The following GABRR1 variants were observed in gnomAD, a reference collection of about 807,000 sequenced individuals.
GABRR1 encodes the protein gamma-aminobutyric acid type A receptor subunit rho1, also known as gamma-aminobutyric acid receptor subunit rho-1.
A neutral mutation model predicts 55.5 loss-of-function variants in GABRR1; 59 were observed. That is an observed-to-expected ratio of 1.06 (90% confidence interval 0.86 to 1.32). The LOEUF (loss-of-function observed/expected upper bound fraction) is 1.32, where lower values mean the gene tolerates loss of function less well. Among genes scored for constraint, GABRR1 ranks in the 40% most tolerant of loss-of-function variants. GABRR1 has a pLI of 0.00. For synonymous variants in GABRR1, 213 were observed against 226.0 expected (o/e 0.94, Z 0.51); for missense variants, 602 against 619.1 (o/e 0.97, Z 0.29).
chr6:89,212,902 G>A (rs1772874797), intron 1 of GABRR1, among the ~76,000 whole-genome samples: 1 of 152,070 alleles, frequency 6.6e-6, no homozygotes, highest in Non-Finnish European at 1.5e-5. Context: ...GAACTTCTGG[G>A]CTCAAGTTAT....
chr6:89,180,594 G>T, intron 8 of GABRR1, 106 bp from the exon 9 acceptor site: 1 of 1,354,032 alleles, frequency 7.4e-7, no homozygotes, highest in Non-Finnish European at 1.0e-6. Flanking sequence ...AATCTAGAAT[G>T]TCTCCATCCC....
upstream of GABRR1, among the ~76,000 whole-genome samples, chr6:89,219,707 C>T (rs565094787): frequency 1.2e-4 from 19 of 152,286 alleles, no homozygotes; most frequent in East Asian, 2.3e-3. Context: ...CTGATAGTAA[C>T]GCATAGCTTT....
At chr6:89,213,440 G>A (rs1040242004) in intron 1 of GABRR1, among the ~76,000 whole-genome samples, 3 of 152,124 alleles carry the variant, frequency 2.0e-5, no homozygotes, top group East Asian at 1.9e-4. Context: ...AAATTTGCCC[G>A]CATATATCTG....
At chr6:89,183,240 A>G (rs926440583) in intron 7 of GABRR1, among the ~76,000 whole-genome samples, 1 of 152,006 alleles carries the variant, frequency 6.6e-6, no homozygotes, top group Non-Finnish European at 1.5e-5. Context: ...GGCAATATGA[A>G]CTTGGAAACT....
chr6:89,209,675 G>A (rs1181641690), intron 1 of GABRR1, among the ~76,000 whole-genome samples: 2 of 152,040 alleles, frequency 1.3e-5, no homozygotes. Flanking sequence ...AATCCCAAGA[G>A]CCACCACTGC....
At chr6:89,203,951 G>A (rs1772562199) in intron 1 of GABRR1, among the ~76,000 whole-genome samples, 2 of 152,350 alleles carry the variant, frequency 1.3e-5, no homozygotes, top group African/African-American at 2.4e-5. Context: ...GGAAGAAAGA[G>A]GTCAGGGTAT....
Position 89,178,738 on chromosome 6 carries a change from T to A in GABRR1, c.*32A>T, listed in dbSNP as rs764996465. The A allele has an allele frequency of 8.3e-6, 13 of 1,565,258 alleles. No individual in the cohort carries two copies. The Admixed American group carries it at 2.2e-4, about 26-fold the overall frequency. On this transcript the variant is annotated 3_prime_UTR_variant, in exon 10 of 10. Coordinates refer to ENST00000454853, the MANE Select transcript of GABRR1 (RefSeq NM_002042.5). ...ACAGTTATTTCTGTAGTGCATGCCA[T>A]GGAAATGTGAAATTTGTAGAATTAC...
chr6:89,229,908 C>A (rs1340863802), intron 1 of GABRR1, among the ~76,000 whole-genome samples: 3 of 126,560 alleles, frequency 2.4e-5, no homozygotes, highest in Non-Finnish European at 5.0e-5. Flanking sequence ...ACCAATCAGA[C>A]GTAGATTTGG....
chr6:89,181,891 G>C lies in GABRR1; in HGVS notation c.949+14C>G. 6.2e-7 allele frequency: 1 copy of C among 1,601,726 alleles called. No individual in the cohort carries two copies. Among genetic ancestry groups the C allele is most frequent in the Non-Finnish European group, 8.5e-7 (1 of 1,173,866 alleles). On this transcript the variant is annotated intron_variant, in intron 8 of 9. Transcript: ENST00000454853. ...TTGCAGATGCTTGGAATATGCACTT[G>C]AGGTATTCCTTACCTAAGGGGACTC...
intron 2 of GABRR1, among the ~76,000 whole-genome samples, chr6:89,201,652 G>A (rs567241089): frequency 3.4e-4 from 51 of 152,044 alleles, no homozygotes; most frequent in Non-Finnish European, 5.7e-4. Context: ...GGTGGCAGGC[G>A]CCTGTGGTCC....
intron 6 of GABRR1, among the ~76,000 whole-genome samples, chr6:89,186,223 A>G (rs1771896995): frequency 6.6e-6 from 1 of 152,260 alleles, no homozygotes; most frequent in Non-Finnish European, 1.5e-5. Context: ...TGTGATGGTC[A>G]GTTTCATGTG....
Position 89,229,326 on chromosome 6 carries a change from G to A in GABRR1, c.-411+1890C>T, listed in dbSNP as rs914180308. On this transcript the variant is annotated intron_variant, in intron 1 of 11. Coordinates refer to the GABRR1 transcript ENST00000369451. Reference sequence around the variant, plus strand: ...CATTATGATGTTAGCTGGTGATTTTGCTCGTTAGTTGACACAGTTTCTTCC... The same window carrying A: ...CATTATGATGTTAGCTGGTGATTTTACTCGTTAGTTGACACAGTTTCTTCC... 9.2e-5 allele frequency among the ~76,000 whole-genome samples: 14 copies of A among 151,746 alleles called. No individual in the cohort carries two copies. In the East Asian group the frequency reaches 2.1e-3, roughly 23 times the overall value.
rs530987108 is a variant in GABRR1 at position 89,231,019 on chromosome 6, C to T, written c.-411+197G>A. On this transcript the variant is annotated intron_variant, in intron 1 of 11. Transcript: ENST00000369451. Reference sequence around the variant, plus strand: ...GCGCAATATTCGGGTGGGAGTGACCCGATTTTCCAGGTGCGTCCATCACCC... The same window carrying T: ...GCGCAATATTCGGGTGGGAGTGACCTGATTTTCCAGGTGCGTCCATCACCC... Among the ~76,000 whole-genome samples, 834 of 152,040 alleles carry T rather than the reference C, an allele frequency of 5.5e-3. 4 individuals carry two copies. The highest frequency in any genetic ancestry group is 6.3e-3 in the Non-Finnish European group (426 of 67,964).
At chr6:89,222,968 A>T (rs1157468965) in intron 1 of GABRR1, among the ~76,000 whole-genome samples, 2 of 152,192 alleles carry the variant, frequency 1.3e-5, no homozygotes, top group Non-Finnish European at 2.9e-5. Flanking sequence ...AATTTTATCC[A>T]CACATATTAT....
chr6:89,202,983 G>A (rs1175646208), intron 2 of GABRR1, among the ~76,000 whole-genome samples: 1 of 152,184 alleles, frequency 6.6e-6, no homozygotes, highest in East Asian at 1.9e-4. Flanking sequence ...CAAAGTGCTG[G>A]TATTACAGGC....
In GABRR1 at chr6:89,185,440, T is replaced by C. The variant is rs1771874084; in HGVS notation, c.666A>G (p.Thr222=). The change falls in exon 7 of 10, where the codon ACA becomes ACG. Residue 222 remains threonine, a synonymous_variant. Transcript: ENST00000454853. Reference sequence around the variant, plus strand: ...TCCAGTACAGCATGAGGTCATCTTCTGTATAGGCATCTGAAAAGACAGGGG... The same window carrying C: ...TCCAGTACAGCATGAGGTCATCTTCCGTATAGGCATCTGAAAAGACAGGGG... ...CSLEIESYAY[T]EDDLMLYWKK... 3.7e-6 allele frequency: 6 copies of C among 1,613,412 alleles called. No individual in the cohort carries two copies. In the Admixed American group the frequency reaches 6.7e-5, roughly 18 times the overall value.
Position 89,181,939 on chromosome 6 carries a change from G to C in GABRR1, c.915C>G (p.Ile305Met). Residue 305 changes from isoleucine to methionine, a missense_variant, in exon 8 of 10, where the codon ATC becomes ATG. Transcript: ENST00000454853. ...MVMLSWVSFW[I>M]DRRAVPARVP... ...CTCTGGCAGGCACGGCTCTGCGGTCGATCCAGAAGGACACCCAGGACAGCA... is the reference window on the plus strand; with the variant it reads ...CTCTGGCAGGCACGGCTCTGCGGTCCATCCAGAAGGACACCCAGGACAGCA... 6.2e-7 allele frequency: 1 copy of C among 1,613,762 alleles called. No homozygotes were observed. The highest frequency in any genetic ancestry group is 8.5e-7 in the Non-Finnish European group (1 of 1,179,816).
upstream of GABRR1, among the ~76,000 whole-genome samples, chr6:89,220,291 G>A (rs1369282738): frequency 6.6e-6 from 1 of 152,138 alleles, no homozygotes; most frequent in African/African-American, 2.4e-5. Context: ...CTTAGCTAAG[G>A]AGAGCTGGTT....
Position 89,206,545 on chromosome 6 carries a change from C to A in GABRR1, c.123-3060G>T, listed in dbSNP as rs937152549. 2.0e-5 allele frequency among the ~76,000 whole-genome samples: 3 copies of A among 152,152 alleles called. No homozygotes were observed. The East Asian group carries it at 5.8e-4, about 29-fold the overall frequency. On this transcript the variant is annotated intron_variant, in intron 1 of 9. Coordinates refer to ENST00000454853, the MANE Select transcript of GABRR1 (RefSeq NM_002042.5). ...CATGCTTCCATCAGAATGTGCACAC[C>A]GTGCTATTGTGGTGATAGGCCTTCT...
Sources: allele counts gnomAD v4.1 joint callset (sites outside exome capture counted in the v4.1 genomes callset), GRCh38; gene constraint gnomAD v4.1.1; transcripts MANE v1.5; gene names NCBI Gene and HGNC (gene_info 2026-07-23, HGNC 2026-07-21).